CARD19: variants seen among roughly 807,000 people sequenced by gnomAD.
CARD19 encodes the protein caspase recruitment domain-containing protein 19.
A neutral mutation model predicts 24.1 loss-of-function variants in CARD19; 25 were observed. The ratio of observed to expected loss-of-function variants is 1.04; its 90% confidence interval spans 0.76 to 1.45. The LOEUF is 1.45. CARD19 is among the 40% of genes most tolerant of loss of function. The pLI, the probability that CARD19 is intolerant of heterozygous loss-of-function variation, is 0.00. For synonymous variants in CARD19, 103 were observed against 104.9 expected (o/e 0.98, Z 0.11); for missense variants, 241 against 247.4 (o/e 0.97, Z 0.17).
intron 4 of CARD19, 101 bp from the exon 5 acceptor site, chr9:93,112,117 A>C (rs1587654308): frequency 7.3e-7 from 1 of 1,362,428 alleles, no homozygotes; most frequent in Non-Finnish European, 1.0e-6. Context: ...TTCAGGCAGC[A>C]CCTCAGCCTG....
intron 1 of CARD19, among the ~76,000 whole-genome samples, chr9:93,107,301 C>T (rs1277333293): frequency 6.6e-6 from 1 of 152,226 alleles, no homozygotes; most frequent in Non-Finnish European, 1.5e-5. Context: ...TGGCCCTGGG[C>T]ATTCTGAGCC....
intron 1 of CARD19, among the ~76,000 whole-genome samples, chr9:93,102,214 T>C (rs1827111316): frequency 6.6e-6 from 1 of 152,162 alleles, no homozygotes; most frequent in African/African-American, 2.4e-5. Flanking sequence ...TCAGGTCATC[T>C]GCTCCCCTTA....
chr9:93,112,075 AC>A (rs3216060), intron 4 of CARD19, 137 bp downstream of exon 4: 1,149,566 of 1,217,388 alleles, frequency 0.94, 543,119 homozygotes, highest in Admixed American at 0.96. Flanking sequence ...TTGGTGACAG[AC>A]CCCCCCCCTA....
At chr9:93,112,322 C>T in intron 5 of CARD19, 33 bp downstream of exon 5, 2 of 1,532,212 alleles carry the variant, frequency 1.3e-6, no homozygotes, top group Non-Finnish European at 1.8e-6. Flanking sequence ...GGGGCTGGGC[C>T]TGCCTCCCCT....
chr9:93,098,093 G>A (rs182953382), intron 1 of CARD19, among the ~76,000 whole-genome samples: 215 of 152,362 alleles, frequency 1.4e-3, no homozygotes, highest in African/African-American at 4.9e-3. Flanking sequence ...AGGTGTCTGC[G>A]TGGGGCAGGT....
At chr9:93,111,762 C>T in intron 3 of CARD19, 117 bp from the exon 4 acceptor site, 1 of 1,509,458 alleles carries the variant, frequency 6.6e-7, no homozygotes, top group Non-Finnish European at 8.9e-7. Flanking sequence ...GGTGCCACAG[C>T]CTGGTTCGGC....
chr9:93,099,918 T>G (rs1827016416), intron 1 of CARD19, among the ~76,000 whole-genome samples: 1 of 152,238 alleles, frequency 6.6e-6, no homozygotes, highest in Non-Finnish European at 1.5e-5. Flanking sequence ...TGAACCAGGA[T>G]GGCCCCCCTA....
At chr9:93,100,467 G>A (rs988623546) in intron 1 of CARD19, among the ~76,000 whole-genome samples, 3 of 152,176 alleles carry the variant, frequency 2.0e-5, no homozygotes, top group East Asian at 1.9e-4. Flanking sequence ...GAGCCACCGC[G>A]CCCAGCCTTC....
intron 1 of CARD19, among the ~76,000 whole-genome samples, chr9:93,099,755 C>T (rs774102193): frequency 5.3e-5 from 8 of 152,310 alleles, no homozygotes; most frequent in Middle Eastern, 3.4e-3. Context: ...CTGGCAAGTC[C>T]GCATAGGCTG....
chr9:93,097,730 C>T (rs376231825), intron 1 of CARD19, among the ~76,000 whole-genome samples: 2 of 152,318 alleles, frequency 1.3e-5, no homozygotes, highest in African/African-American at 2.4e-5. Context: ...GACTTTGTCC[C>T]TTTCTGCCTG....
At chr9:93,105,808 G>A (rs1324412604) in intron 1 of CARD19, among the ~76,000 whole-genome samples, 3 of 152,142 alleles carry the variant, frequency 2.0e-5, no homozygotes, top group African/African-American at 7.2e-5. Context: ...GGAGTGTTCT[G>A]TGTATGTCTG....
chr9:93,109,104 G>A (rs1325894226), intron 2 of CARD19: 8 of 152,202 alleles, frequency 5.3e-5, no homozygotes, highest in Non-Finnish European at 1.0e-4. Context: ...TGCTTCTTCC[G>A]TTTTGAAGGT....
chr9:93,110,939 C>T (rs1281488807), intron 3 of CARD19: 7 of 1,530,646 alleles, frequency 4.6e-6, no homozygotes, highest in Non-Finnish European at 6.1e-6. Flanking sequence ...TCTCTGTCTC[C>T]CACTTTCTCC....
chr9:93,098,569 T>A (rs1365534573), intron 1 of CARD19, among the ~76,000 whole-genome samples: 1 of 152,246 alleles, frequency 6.6e-6, no homozygotes, highest in Non-Finnish European at 1.5e-5. Context: ...CTTTGTCCTG[T>A]AAAAACAGTT....
intron 1 of CARD19, among the ~76,000 whole-genome samples, chr9:93,101,013 T>G (rs1188944696): frequency 6.6e-6 from 1 of 152,254 alleles, no homozygotes; most frequent in Non-Finnish European, 1.5e-5. Context: ...CTTTTGGCTA[T>G]TTTGAATAGT....
intron 1 of CARD19, among the ~76,000 whole-genome samples, chr9:93,107,173 G>A (rs995810042): frequency 3.9e-5 from 6 of 152,062 alleles, no homozygotes; most frequent in Non-Finnish European, 8.8e-5. Flanking sequence ...TCTGCAGAGC[G>A]CACATCTGGG....
intron 1 of CARD19, among the ~76,000 whole-genome samples, chr9:93,105,151 C>T (rs1487574827): frequency 1.3e-5 from 2 of 150,910 alleles, no homozygotes; most frequent in Admixed American, 6.6e-5. Flanking sequence ...TAGGTTTTAG[C>T]GCGGTGTAAG....
chr9:93,112,006 C>G, intron 4 of CARD19, 68 bp downstream of exon 4: 1 of 1,546,694 alleles, frequency 6.5e-7, no homozygotes, highest in Non-Finnish European at 8.8e-7. Flanking sequence ...CTCCCCAGGG[C>G]TCCATCTCCG....
chr9:93,103,534 T>G (rs1827154978), intron 1 of CARD19, among the ~76,000 whole-genome samples: 1 of 152,246 alleles, frequency 6.6e-6, no homozygotes. Context: ...ATTTTATATC[T>G]GCTGTTGATT....
Sources: allele counts gnomAD v4.1 joint callset (sites outside exome capture counted in the v4.1 genomes callset), GRCh38; gene constraint gnomAD v4.1.1; transcripts MANE v1.5; gene names NCBI Gene and HGNC (gene_info 2026-07-23, HGNC 2026-07-21).